TXNRD1: variants seen among roughly 807,000 people sequenced by gnomAD.
The protein encoded by TXNRD1 is thioredoxin reductase 1, cytoplasmic.
TXNRD1 carries 57 observed loss-of-function variants against 80.3 expected under a neutral mutation model. The ratio of observed to expected loss-of-function variants is 0.71; its 90% CI spans 0.57 to 0.89. The LOEUF is 0.89. TXNRD1 is among the 40% of genes least tolerant of loss of function. TXNRD1 has a pLI of 0.00. For missense variants in TXNRD1, 730 were observed against 803.0 expected (o/e 0.91, Z 1.10); for synonymous variants, 291 against 285.2 (o/e 1.02, Z -0.20).
At chr12:104,268,917 C>CTTTT (rs34134230) in intron 3 of TXNRD1, among the ~76,000 whole-genome samples, 6 of 127,816 alleles carry the variant, frequency 4.7e-5, no homozygotes, top group Non-Finnish European at 8.2e-5. Context: ...GTTGTCATTT[C>CTTTT]TTTTTTTTTT....
chr12:104,231,900 A>T (rs2032632992), intron 1 of TXNRD1, among the ~76,000 whole-genome samples: 1 of 152,352 alleles, frequency 6.6e-6, no homozygotes, highest in East Asian at 1.9e-4. Context: ...AATGTAGGCA[A>T]AAAGCTTAAA....
chr12:104,237,856 C>G (rs2032771739), intron 1 of TXNRD1, among the ~76,000 whole-genome samples: 3 of 151,784 alleles, frequency 2.0e-5, no homozygotes, highest in South Asian at 2.1e-4. Context: ...ACTAATAATA[C>G]AAAAATTAGC....
chr12:104,325,345 A>G lies in TXNRD1; in HGVS notation c.1224A>G (p.Gln408=), dbSNP rs1437454145. The change falls in exon 11 of 17, where the codon CAA becomes CAG. Residue 408 remains glutamine (Q), a synonymous_variant. Coordinates refer to ENST00000525566, the MANE Select transcript of TXNRD1 (RefSeq NM_001093771.3). ...IRQFVPIKVE[Q]IEAGTPGRLR... ...CTTTATCACTCTTACAGGTTGAACA[A>G]ATTGAAGCAGGGACACCAGGCCGAC... 1.2e-6 allele frequency: 2 copies of G among 1,612,524 alleles called. No individual in the cohort carries two copies. Among genetic ancestry groups the G allele is most frequent in the Admixed American group, 3.3e-5 (2 of 59,890 alleles).
At chr12:104,302,507 T>TTTTTTTTTTTTTTTA (rs56722368) in intron 4 of TXNRD1, among the ~76,000 whole-genome samples, 1 of 148,064 alleles carries the variant, frequency 6.8e-6, no homozygotes, top group Non-Finnish European at 1.5e-5. Flanking sequence ...TTTTTTTTTT[T>TTTTTTTTTTTTTTTA]GAGACGGAGT....
chr12:104,256,682 G>A (rs1053686143), intron 2 of TXNRD1, among the ~76,000 whole-genome samples: 4 of 151,318 alleles, frequency 2.6e-5, no homozygotes, highest in Non-Finnish European at 1.5e-5. Context: ...GGGTGGCTGA[G>A]GCAGGAGACT....
At chr12:104,287,064 C>T (rs1128446) in intron 3 of TXNRD1, 6 of 1,416,070 alleles carry the variant, frequency 4.2e-6, no homozygotes, top group Non-Finnish European at 4.6e-6. Flanking sequence ...GAAAGGTGGT[C>T]GAGTCCTGAA....
At chr12:104,341,579 G>A (rs1168822282) in intron 16 of TXNRD1, among the ~76,000 whole-genome samples, 1 of 152,162 alleles carries the variant, frequency 6.6e-6, no homozygotes, top group Non-Finnish European at 1.5e-5. Context: ...TACTCACAGA[G>A]CACTTCTGAC....
chr12:104,258,470 A>G (rs2135711251), intron 3 of TXNRD1, among the ~76,000 whole-genome samples: 1 of 152,344 alleles, frequency 6.6e-6, no homozygotes, highest in East Asian at 1.9e-4. Flanking sequence ...TTTGGCAGGG[A>G]CATACAAAGA....
intron 4 of TXNRD1, chr12:104,305,002 A>G: frequency 1.4e-6 from 2 of 1,442,798 alleles, no homozygotes; most frequent in Non-Finnish European, 1.9e-6. Flanking sequence ...TAAAATGTAA[A>G]CTGAAGCACA....
At chr12:104,318,447 C>A (rs1180405388) in intron 7 of TXNRD1, among the ~76,000 whole-genome samples, 8 of 152,152 alleles carry the variant, frequency 5.3e-5, no homozygotes, top group Admixed American at 3.9e-4. Context: ...ATAAGCATGG[C>A]TGTATTTTAA....
chr12:104,298,081 T>C (rs1256078659), intron 4 of TXNRD1, among the ~76,000 whole-genome samples: 1 of 152,226 alleles, frequency 6.6e-6, no homozygotes, highest in African/African-American at 2.4e-5. Context: ...GAGTCCAGAT[T>C]ATTTAGTGAG....
chr12:104,287,342 ATGTGGTAGG>A, intron 3 of TXNRD1: 1 of 1,614,012 alleles, frequency 6.2e-7, no homozygotes, highest in Non-Finnish European at 8.5e-7. Flanking sequence ...TCAGCATGTC[ATGTGGTAGG>A]TGAGGCCGGC....
Position 104,240,846 on chromosome 12 carries a change from G to A in TXNRD1, c.92-10681G>A, listed in dbSNP as rs1201189029. Reference sequence around the variant, plus strand: ...CAACTTCTGCCTCCTGGGTTCAAGCGATTCTCTTGCCTCAGCCTCCTGAGT... The same window carrying A: ...CAACTTCTGCCTCCTGGGTTCAAGCAATTCTCTTGCCTCAGCCTCCTGAGT... On this transcript the variant is annotated intron_variant, in intron 1 of 16. Coordinates refer to ENST00000525566, the MANE Select transcript of TXNRD1 (RefSeq NM_001093771.3). 4.6e-5 allele frequency among the ~76,000 whole-genome samples: 7 copies of A among 151,112 alleles called. No homozygotes were observed. The East Asian group carries it at 1.4e-3, about 29-fold the overall frequency.
intron 16 of TXNRD1, among the ~76,000 whole-genome samples, chr12:104,347,733 C>T (rs1239007087): frequency 6.6e-6 from 1 of 152,158 alleles, no homozygotes; most frequent in Non-Finnish European, 1.5e-5. Context: ...CTACAATATA[C>T]ACCATATATA....
At chr12:104,234,584 G>A (rs566882442) in intron 1 of TXNRD1, among the ~76,000 whole-genome samples, 23 of 148,830 alleles carry the variant, frequency 1.5e-4, no homozygotes, top group African/African-American at 3.0e-4. Context: ...GTGAGCCACC[G>A]TGCCTGGCCA....
chr12:104,223,845 A>G (rs924548219), intron 1 of TXNRD1, among the ~76,000 whole-genome samples: 4 of 152,220 alleles, frequency 2.6e-5, no homozygotes, highest in African/African-American at 7.2e-5. Flanking sequence ...GCTGGTGCAG[A>G]CTTGCTAAGG....
intron 16 of TXNRD1, among the ~76,000 whole-genome samples, chr12:104,342,500 G>A (rs1039484706): frequency 1.3e-5 from 2 of 152,168 alleles, no homozygotes; most frequent in African/African-American, 4.8e-5. Flanking sequence ...TCTGGAGGGA[G>A]TTCTTACCTA....
intron 13 of TXNRD1, among the ~76,000 whole-genome samples, chr12:104,328,993 TCAGTTGGTTA>T (rs1429837788): frequency 1.3e-5 from 2 of 152,170 alleles, no homozygotes; most frequent in Admixed American, 1.3e-4. Context: ...TACATTGGTT[TCAGTTGGTTA>T]CAGTAATGGG....
intron 3 of TXNRD1, among the ~76,000 whole-genome samples, chr12:104,260,071 C>A (rs560752726): frequency 2.5e-4 from 38 of 152,172 alleles, no homozygotes; most frequent in Non-Finnish European, 5.9e-5. Context: ...CAGTGGCTCA[C>A]GCCTGTAATC....
Sources: allele counts gnomAD v4.1 joint callset (sites outside exome capture counted in the v4.1 genomes callset), GRCh38; gene constraint gnomAD v4.1.1; transcripts MANE v1.5; gene names NCBI Gene and HGNC (gene_info 2026-07-23, HGNC 2026-07-21).